VPS13C: variants seen among roughly 807,000 people sequenced by gnomAD.
VPS13C encodes the protein vacuolar protein sorting 13 homolog C.
A neutral mutation model predicts 456.8 loss-of-function variants in VPS13C; 358 were observed. The ratio of observed to expected loss-of-function variants is 0.78; its 90% CI spans 0.72 to 0.86. The LOEUF is 0.86. VPS13C is among the 40% of genes least tolerant of loss of function. The pLI is 0.00. For synonymous variants in VPS13C, 1,578 were observed against 1,486.7 expected, an observed-to-expected ratio of 1.06 and a Z score of -1.41; for missense variants, 4,818 against 4,385.4, an observed-to-expected ratio of 1.10 and a Z score of -2.79.
intron 42 of VPS13C, among the ~76,000 whole-genome samples, chr15:61,948,512 T>C (rs1011407523): frequency 6.6e-6 from 1 of 151,838 alleles, no homozygotes; most frequent in Non-Finnish European, 1.5e-5. Flanking sequence ...TGAAACCCCA[T>C]CTCTACTAAA....
intron 15 of VPS13C, among the ~76,000 whole-genome samples, chr15:62,001,474 TCTAC>T (rs1432190462): frequency 1.3e-5 from 2 of 152,212 alleles, no homozygotes; most frequent in Non-Finnish European, 2.9e-5. Context: ...CCAGTGTGTT[TCTAC>T]CTTTTATTTT....
rs147486877 is a variant in VPS13C at position 61,888,086 on chromosome 15, T to C, written c.9341+2079A>G. 1.4e-3 allele frequency among the ~76,000 whole-genome samples: 212 copies of C among 152,264 alleles called. 2 individuals carry two copies. In the East Asian group the frequency reaches 0.028, roughly 20 times the overall value. ...AAGACATACAGATGGCAAATAAGCA[T>C]ATGAACAGATCCTCAACATCATGTA... is the stretch of plus-strand genomic sequence containing the variant. On this transcript the variant is annotated intron_variant, in intron 67 of 84. Transcript: ENST00000644861.
intron 68 of VPS13C, among the ~76,000 whole-genome samples, chr15:61,882,977 C>T (rs1895983721): frequency 6.6e-6 from 1 of 151,820 alleles, no homozygotes; most frequent in South Asian, 2.1e-4. Context: ...TAAAAACATG[C>T]TTTATGTAAA....
intron 66 of VPS13C, among the ~76,000 whole-genome samples, chr15:61,900,164 T>C (rs947398290): frequency 2.0e-5 from 3 of 152,136 alleles, no homozygotes; most frequent in Admixed American, 1.3e-4. Flanking sequence ...TCATACTGAA[T>C]GGGCAAAAAC....
chr15:61,935,499 G>A (rs1400227557), intron 48 of VPS13C: 2 of 152,194 alleles, frequency 1.3e-5, no homozygotes, highest in Non-Finnish European at 2.9e-5. Flanking sequence ...GTGACACGGT[G>A]TCCATATAGC....
intron 3 of VPS13C, 88 bp from the exon 4 acceptor site, chr15:62,035,140 A>T: frequency 1.2e-6 from 1 of 866,992 alleles, no homozygotes. Context: ...GAAAAAGCAT[A>T]AAAAACTCTT....
chr15:62,012,954 T>C, intron 11 of VPS13C, 85 bp downstream of exon 11: 1 of 838,414 alleles, frequency 1.2e-6, no homozygotes. Flanking sequence ...ATGGCTGATA[T>C]CCTGTCCTCA....
At chr15:61,860,720 A>AT (rs1254299630) in intron 82 of VPS13C, among the ~76,000 whole-genome samples, 1 of 152,060 alleles carries the variant, frequency 6.6e-6, no homozygotes, top group Non-Finnish European at 1.5e-5. Flanking sequence ...GTAATAATGC[A>AT]TTTTTTTGTA....
intron 18 of VPS13C, among the ~76,000 whole-genome samples, chr15:61,988,911 C>A (rs1471963960): frequency 2.0e-5 from 3 of 152,110 alleles, no homozygotes; most frequent in Non-Finnish European, 2.9e-5. Context: ...CAATTTTAGA[C>A]AGACCATAAA....
chr15:61,867,950 G>T lies in VPS13C; in HGVS notation c.10863+709C>A, dbSNP rs568103641. On this transcript the variant is annotated intron_variant, in intron 81 of 84. Coordinates refer to ENST00000644861, the MANE Select transcript of VPS13C (RefSeq NM_020821.3). This position sits in a 1 kb window ranked among gnomAD's most constrained non-coding sequence, Gnocchi z 5.0. ...TATTCCTGTATTTCCAGTTCTTGCT[G>T]TGCAGGCAGAAAAACAAAGAAAATA... 4.4e-5 allele frequency: 69 copies of T among 1,576,466 alleles called. 2 individuals carry two copies. The South Asian group carries it at 7.5e-4, about 17-fold the overall frequency.
intron 79 of VPS13C, among the ~76,000 whole-genome samples, chr15:61,871,032 A>G (rs1032899938): frequency 2.0e-5 from 3 of 151,996 alleles, no homozygotes; most frequent in African/African-American, 2.4e-5. Flanking sequence ...TGATTTGCAA[A>G]AATTTTCTTC....
chr15:62,004,128 C>T (rs1269336692), intron 15 of VPS13C, among the ~76,000 whole-genome samples: 8 of 151,738 alleles, frequency 5.3e-5, no homozygotes, highest in Non-Finnish European at 8.8e-5. Flanking sequence ...TGGTAGAATT[C>T]GGCTGTGAAT....
Position 61,853,521 on chromosome 15 carries a change from T to C in VPS13C, c.*936A>G, listed in dbSNP as rs1177416590. ...TTTAAGGTTTGATTGTCCAGATTTTTTTATTAGACTGCAAGGAGGAAAAAT... is the reference window on the plus strand; with the variant it reads ...TTTAAGGTTTGATTGTCCAGATTTTCTTATTAGACTGCAAGGAGGAAAAAT... On this transcript the variant is annotated 3_prime_UTR_variant, in exon 85 of 85. Coordinates refer to ENST00000644861, the MANE Select transcript of VPS13C (RefSeq NM_020821.3). The C allele has an allele frequency of 6.6e-6, 1 of 152,196 alleles. No homozygotes were observed. Among genetic ancestry groups the C allele is most frequent in the African/African-American group, 2.4e-5 (1 of 41,456 alleles). The allele number at this position is 152,196 out of a possible 1,614,324, so 9.4% of individuals were successfully genotyped here.
At chr15:62,026,149 C>T (rs777530426) in intron 6 of VPS13C, among the ~76,000 whole-genome samples, 16 of 147,258 alleles carry the variant, frequency 1.1e-4, no homozygotes, top group Non-Finnish European at 2.1e-4. Context: ...GGAGCATATT[C>T]ATTGCCTTTT....
chr15:61,904,076 A>G (rs532414283), intron 66 of VPS13C, among the ~76,000 whole-genome samples: 25 of 152,276 alleles, frequency 1.6e-4, no homozygotes, highest in Non-Finnish European at 2.9e-4. Context: ...GGTCTAGGCA[A>G]AGACTTTGGA....
At chr15:61,946,549 T>G in intron 43 of VPS13C, 139 bp from the exon 44 acceptor site, 2 of 462,916 alleles carry the variant, frequency 4.3e-6, no homozygotes, top group Non-Finnish European at 7.4e-6. Flanking sequence ...GGCATCAACT[T>G]TCATGTATGA....
At chr15:61,901,107 A>T (rs2042982677) in intron 66 of VPS13C, among the ~76,000 whole-genome samples, 1 of 151,202 alleles carries the variant, frequency 6.6e-6, no homozygotes, top group Admixed American at 6.6e-5. Context: ...ACAAAAATCA[A>T]TTCAAGATGG....
intron 66 of VPS13C, among the ~76,000 whole-genome samples, chr15:61,901,191 T>A (rs2042984806): frequency 1.3e-5 from 2 of 152,008 alleles, no homozygotes; most frequent in South Asian, 2.1e-4. Context: ...ATTCAGGACA[T>A]AGGCATGGGC....
intron 66 of VPS13C, among the ~76,000 whole-genome samples, chr15:61,901,127 T>G (rs2042983124): frequency 6.6e-6 from 1 of 151,050 alleles, no homozygotes; most frequent in Admixed American, 6.6e-5. Flanking sequence ...GATTAAAGAC[T>G]TAAACGTTAG....
Sources: gnomAD v4.1 joint callset for allele counts (sites outside exome capture counted in the v4.1 genomes callset) on GRCh38, gnomAD v4.1.1 for gene constraint, Gnocchi (gnomAD v3.1) non-coding constraint, MANE v1.5 for transcripts, NCBI Gene and HGNC (gene_info 2026-07-23, HGNC 2026-07-21) for gene names.